Variants in ADGRV1 observed in about 807,000 individuals in gnomAD.
ADGRV1 encodes the protein adhesion G protein-coupled receptor V1.
Under a neutral mutation model 596.2 loss-of-function variants are expected in ADGRV1, and 359 were observed. The observed-to-expected ratio is 0.60, with a 90% CI of 0.55 to 0.66. The LOEUF is 0.66. ADGRV1 is among the 30% of genes least tolerant of loss of function. ADGRV1 has a pLI of 0.00. For missense variants in ADGRV1, 7,274 were observed against 7,575.6 expected, an observed-to-expected ratio of 0.96 and a Z score of 1.48; for synonymous variants, 2,681 against 2,679.2, an observed-to-expected ratio of 1.00 and a Z score of -0.02.
At chr5:90,612,409 G>T (rs766184690) in intron 1 of ADGRV1, among the ~76,000 whole-genome samples, 5 of 152,000 alleles carry the variant, frequency 3.3e-5, no homozygotes, top group Non-Finnish European at 5.9e-5. Context: ...TATTATTCAA[G>T]GTGGTGATGT....
chr5:91,160,387 AGGGGTATGGTCTT>A (rs745527945), intron 89 of ADGRV1, among the ~76,000 whole-genome samples: 30 of 152,160 alleles, frequency 2.0e-4, no homozygotes, highest in Non-Finnish European at 4.0e-4. Flanking sequence ...AAAAGATGGA[AGGGGTATGGTCTT>A]TGGATCATTG....
intron 87 of ADGRV1, among the ~76,000 whole-genome samples, chr5:91,148,867 T>C (rs537839103): frequency 3.9e-5 from 6 of 152,226 alleles, no homozygotes; most frequent in Non-Finnish European, 8.8e-5. Context: ...ACCTCTTGCA[T>C]CAGCGTGAAC....
At chr5:90,963,707 T>G (rs1778215291) in intron 83 of ADGRV1, among the ~76,000 whole-genome samples, 1 of 151,416 alleles carries the variant, frequency 6.6e-6, no homozygotes, top group Admixed American at 6.6e-5. Context: ...CCCAACTTCC[T>G]TCTATTATTG....
intron 83 of ADGRV1, among the ~76,000 whole-genome samples, chr5:90,877,193 G>A (rs1769296559): frequency 6.6e-6 from 1 of 152,214 alleles, no homozygotes; most frequent in Non-Finnish European, 1.5e-5. Context: ...AGTAAAGGCA[G>A]AGGAATGGGC....
rs1041771000 is a variant in ADGRV1, at chr5:91,163,796, G to A, written c.18817G>A (p.Val6273Ile). 1.3e-6 allele frequency: 2 copies of A among 1,546,246 alleles called. No individual in the cohort carries two copies. The highest frequency in any genetic ancestry group is 1.8e-6 in the Non-Finnish European group (2 of 1,126,282). Residue 6273 changes from valine to isoleucine, a missense_variant, in exon 90 of 90, where the codon GTC becomes ATC. This residue lies in a region of ADGRV1 where 1,874 missense variants were observed against 1,970.2 expected (regional missense o/e 0.95). Transcript: ENST00000405460. ...FALKTGAGLS[V>I]SDNESGQGSQ... is the part of the protein sequence containing the mutation. The stretch of plus-strand genomic sequence containing the variant: ...TTCTGTGGCAGGTGCTGGTCTCAGT[G>A]TCAGTGATAATGAATCTGGTCAAGG...
intron 50 of ADGRV1, among the ~76,000 whole-genome samples, chr5:90,731,474 G>A (rs1398433972): frequency 1.3e-5 from 2 of 152,154 alleles, no homozygotes; most frequent in Admixed American, 1.3e-4. Flanking sequence ...TGCTCTGTGA[G>A]GGGTAGAATT....
intron 85 of ADGRV1, among the ~76,000 whole-genome samples, chr5:90,996,304 C>A (rs1383253382): frequency 6.6e-6 from 1 of 152,100 alleles, no homozygotes; most frequent in African/African-American, 2.4e-5. Flanking sequence ...GACATGATAC[C>A]CTGCATCCCA....
chr5:90,783,164 G>A lies in ADGRV1; in HGVS notation c.13272G>A (p.Arg4424=). The change falls in exon 66 of 90, where the codon AGG becomes AGA. Residue 4424 remains arginine (R), a synonymous_variant. Coordinates refer to ENST00000405460, the MANE Select transcript of ADGRV1 (RefSeq NM_032119.4). ...DVGLIMIPVV[R]LHGTYGYVTA... ...GGCTGATCATGATCCCAGTGGTGAG[G>A]CTACATGGAACTTATGGCTATGTGA... 2 of 1,613,634 alleles carry A rather than the reference G, an allele frequency of 1.2e-6. No homozygotes were observed. The highest frequency in any genetic ancestry group is 2.2e-5 in the South Asian group (2 of 91,066).
chr5:90,727,682 G>T (rs1316035246), intron 48 of ADGRV1, among the ~76,000 whole-genome samples: 1 of 152,088 alleles, frequency 6.6e-6, no homozygotes, highest in African/African-American at 2.4e-5. Flanking sequence ...TTCTGGTATT[G>T]TTATTAATAT....
At chr5:90,697,657 TATAAA>T (rs1178841655) in intron 34 of ADGRV1, among the ~76,000 whole-genome samples, 1 of 152,172 alleles carries the variant, frequency 6.6e-6, no homozygotes, top group Non-Finnish European at 1.5e-5. Flanking sequence ...TGCCAAACCT[TATAAA>T]ATTTCTTTTT....
intron 1 of ADGRV1, among the ~76,000 whole-genome samples, chr5:90,598,867 G>T (rs1761047052): frequency 6.6e-6 from 1 of 152,132 alleles, no homozygotes; most frequent in South Asian, 2.1e-4. Flanking sequence ...GGATACCAAG[G>T]AATTAATAAT....
At chr5:90,690,549 C>G (rs1329952629) in intron 30 of ADGRV1, among the ~76,000 whole-genome samples, 6 of 152,174 alleles carry the variant, frequency 3.9e-5, no homozygotes, top group African/African-American at 1.4e-4. Flanking sequence ...GGACCTGTCA[C>G]TCATGTCTGG....
At position 90,729,644 on chromosome 5, in the gene ADGRV1, G is replaced by A. The variant is rs1383922894; in HGVS notation, c.10429G>A (p.Asp3477Asn). 1.6e-5 allele frequency: 25 copies of A among 1,600,886 alleles called. No individual in the cohort carries two copies. The highest frequency in any genetic ancestry group is 2.1e-5 in the Non-Finnish European group (25 of 1,170,058). The change falls in exon 50 of 90, where the codon GAT becomes AAT. Residue 3477 changes from aspartate to asparagine, a missense_variant and splice_region_variant. Around this residue, in one of 5 missense-constraint regions of ADGRV1, gnomAD observed 3,643 missense variants for 3,809.2 expected, o/e 0.96. Transcript: ENST00000405460. ...TGACTTCTATTTCATTATTGCAGGA[G>A]ATCAGAATTCAATTGATATTTTCAT... Reference protein sequence around the residue: ...LIFAENVFLGDQNSIDIFIWE... With the variant: ...LIFAENVFLGNQNSIDIFIWE...
chr5:90,809,496 A>C (rs1219675808), intron 73 of ADGRV1, among the ~76,000 whole-genome samples: 1 of 152,198 alleles, frequency 6.6e-6, no homozygotes, highest in Non-Finnish European at 1.5e-5. Flanking sequence ...CCTCTGTGTG[A>C]GGTATTAACC....
intron 1 of ADGRV1, among the ~76,000 whole-genome samples, chr5:90,602,296 G>C (rs763673977): frequency 6.6e-6 from 1 of 152,170 alleles, no homozygotes; most frequent in African/African-American, 2.4e-5. Context: ...AGAAATTTTC[G>C]AAAGGGGAGA....
At position 90,653,692 on chromosome 5, in the gene ADGRV1, C is replaced by A; in HGVS notation, c.4118C>A (p.Ala1373Glu). ...GCCAATACGAATGGATTCATTATAG[C>A]GAAGGATGACGGTAATGGAAGCATC... ...PNANTNGFII[A>E]KDDGNGSIYY... Residue 1373 changes from alanine (A) to glutamate (E), a missense_variant, in exon 20 of 90, where the codon GCG becomes GAG. By Grantham distance (107) the Ala-to-Glu change is moderately radical. Coordinates refer to ENST00000405460, the MANE Select transcript of ADGRV1 (RefSeq NM_032119.4). The A allele has an allele frequency of 6.2e-7, 1 of 1,613,018 alleles. No individual in the cohort carries two copies. The highest frequency in any genetic ancestry group is 1.7e-5 in the Admixed American group (1 of 59,814).
chr5:91,025,777 G>C (rs754493308), intron 85 of ADGRV1, among the ~76,000 whole-genome samples: 1 of 152,118 alleles, frequency 6.6e-6, no homozygotes, highest in African/African-American at 2.4e-5. Context: ...GATAAACAGG[G>C]AGGTGAAACA....
chr5:90,759,549 T>C lies in ADGRV1; in HGVS notation c.12081T>C (p.Asn4027=), dbSNP rs1441940701. 6 of 1,613,496 alleles carry C rather than the reference T, an allele frequency of 3.7e-6. No homozygotes were observed. The highest frequency in any genetic ancestry group is 1.6e-4 in the Middle Eastern group (1 of 6,084). ...DVVVTVVIPQ[N]DSPFGVFGFE... ...TGGTAACTGTTGTTATTCCACAAAA[T>C]GATTCTCCATTTGGAGTATTTGGAT... Residue 4027 remains asparagine (N), a synonymous_variant, in exon 58 of 90, where the codon AAT becomes AAC. Transcript: ENST00000405460.
At chr5:90,852,152 G>T (rs2150402718) in intron 79 of ADGRV1, among the ~76,000 whole-genome samples, 1 of 152,320 alleles carries the variant, frequency 6.6e-6, no homozygotes, top group Admixed American at 6.5e-5. Context: ...AGGTGAATAA[G>T]TGGATTCAAT....
Sources: gnomAD v4.1 joint callset for allele counts (sites outside exome capture counted in the v4.1 genomes callset) on GRCh38, gnomAD v4.1.1 for gene constraint, gnomAD v4.1.1 regional missense constraint, MANE v1.5 for transcripts, NCBI Gene and HGNC (gene_info 2026-07-23, HGNC 2026-07-21) for gene names.